Variants in CDC42BPA observed in about 807,000 individuals in gnomAD.
CDC42BPA encodes the protein CDC42 binding protein kinase alpha, also known as serine/threonine-protein kinase MRCK alpha.
In CDC42BPA, 80 loss-of-function variants were observed where a neutral mutation model predicts 223.5. The ratio of observed to expected loss-of-function variants is 0.36; its 90% confidence interval spans 0.30 to 0.43. CDC42BPA has a LOEUF of 0.43. Ranked by LOEUF, CDC42BPA falls within the 20% of genes least tolerant of loss-of-function variation. The probability of loss-of-function intolerance (pLI) is 1.00; values close to 1 mark genes in which losing one functional copy is unlikely to be tolerated. For missense variants in CDC42BPA, 1,743 were observed against 2,099.9 expected, an observed-to-expected ratio of 0.83 and a Z score of 3.32; for synonymous variants, 694 against 718.6, an observed-to-expected ratio of 0.97 and a Z score of 0.55.
At chr1:227,112,599 T>G in intron 13 of CDC42BPA, 72 bp downstream of exon 13, 1 of 1,247,898 alleles carries the variant, frequency 8.0e-7, no homozygotes, top group Non-Finnish European at 1.1e-6. Flanking sequence ...AATTATATAT[T>G]ATATTACTAG....
intron 2 of CDC42BPA, chr1:227,235,125 C>CA (rs1355026357): frequency 6.6e-6 from 1 of 152,142 alleles, no homozygotes; most frequent in East Asian, 1.9e-4. Context: ...TTCCAGCAAT[C>CA]AAAGTCTGAA....
intron 3 of CDC42BPA, among the ~76,000 whole-genome samples, chr1:227,208,822 T>C (rs897814123): frequency 1.3e-4 from 20 of 152,212 alleles, no homozygotes; most frequent in African/African-American, 4.1e-4. Flanking sequence ...TGGCTTAGGA[T>C]TGCCTTGGCG....
At chr1:227,294,431 T>A (rs1056275323) in intron 1 of CDC42BPA, among the ~76,000 whole-genome samples, 5 of 152,134 alleles carry the variant, frequency 3.3e-5, no homozygotes, top group African/African-American at 1.2e-4. Context: ...TAACATTCAT[T>A]GAGGGCCAGG....
At chr1:227,229,406 C>G (rs1178390188) in intron 2 of CDC42BPA, among the ~76,000 whole-genome samples, 1 of 152,164 alleles carries the variant, frequency 6.6e-6, no homozygotes, top group Non-Finnish European at 1.5e-5. Flanking sequence ...ACCTTGATTA[C>G]CATTGCTTTG....
chr1:227,060,032 T>TTTTTG (rs1186966620), intron 21 of CDC42BPA, among the ~76,000 whole-genome samples: 1 of 132,608 alleles, frequency 7.5e-6, no homozygotes, highest in East Asian at 2.1e-4. Flanking sequence ...TTTTTTTTGT[T>TTTTTG]TTTTTTTTTT....
chr1:227,278,246 A>G (rs1465843736), intron 1 of CDC42BPA, among the ~76,000 whole-genome samples: 2 of 152,214 alleles, frequency 1.3e-5, no homozygotes, highest in African/African-American at 4.8e-5. Context: ...CTTTTAAATT[A>G]TAACTCAAAT....
intron 1 of CDC42BPA, among the ~76,000 whole-genome samples, chr1:227,279,564 T>C (rs1391765983): frequency 1.3e-5 from 2 of 152,106 alleles, no homozygotes; most frequent in Non-Finnish European, 2.9e-5. Context: ...ATTTATATTA[T>C]AAATTAAGTG....
chr1:227,023,649 A>T (rs1667771329), intron 31 of CDC42BPA, among the ~76,000 whole-genome samples: 1 of 152,194 alleles, frequency 6.6e-6, no homozygotes, highest in Non-Finnish European at 1.5e-5. Flanking sequence ...CAGTTATACT[A>T]AGCAGATATC....
At chr1:227,143,271 T>C (rs943932974) in intron 8 of CDC42BPA, among the ~76,000 whole-genome samples, 3 of 152,222 alleles carry the variant, frequency 2.0e-5, no homozygotes, top group African/African-American at 7.2e-5. Flanking sequence ...GTCATTATTA[T>C]TCATGTATTC....
intron 21 of CDC42BPA, among the ~76,000 whole-genome samples, chr1:227,056,885 A>G (rs1187999707): frequency 1.3e-5 from 2 of 152,212 alleles, no homozygotes; most frequent in Non-Finnish European, 2.9e-5. Context: ...AAAACAGTAA[A>G]TACATTTTAT....
In CDC42BPA at chr1:227,259,773, G is replaced by C. The variant is rs763653267; in HGVS notation, c.179-5618C>G. Among the ~76,000 whole-genome samples, 102 of 150,948 alleles carry C rather than the reference G, an allele frequency of 6.8e-4. 1 individual carries two copies. Among genetic ancestry groups the C allele is most frequent in the Non-Finnish European group, 1.0e-3 (68 of 68,036 alleles). ...ACACCAACTTAGAAGTAATAGCTTA[G>C]AAGTAATAGTTTTATGTAAATTATG... On this transcript the variant is annotated intron_variant, in intron 1 of 36. Transcript: ENST00000366766.
At chr1:227,248,957 CA>C (rs1357132415) in intron 2 of CDC42BPA, among the ~76,000 whole-genome samples, 1 of 152,032 alleles carries the variant, frequency 6.6e-6, no homozygotes, top group Admixed American at 6.6e-5. Flanking sequence ...TATGGAATTA[CA>C]AAAGACCCAG....
At chr1:227,130,924 T>C (rs1656967142) in intron 10 of CDC42BPA, among the ~76,000 whole-genome samples, 1 of 152,162 alleles carries the variant, frequency 6.6e-6, no homozygotes, top group Non-Finnish European at 1.5e-5. Flanking sequence ...TTTCCTCCTG[T>C]ACCCCACCTA....
At chr1:227,131,352 T>C (rs74143306) in intron 10 of CDC42BPA, among the ~76,000 whole-genome samples, 2,277 of 152,270 alleles carry the variant, frequency 0.015, 55 homozygotes, top group African/African-American at 0.052. Flanking sequence ...ACATTGCAAG[T>C]GTTGGTCAAG....
intron 5 of CDC42BPA, among the ~76,000 whole-genome samples, chr1:227,192,015 CTT>C (rs1669799746): frequency 6.6e-6 from 1 of 150,954 alleles, no homozygotes; most frequent in Admixed American, 6.6e-5. Flanking sequence ...ATTTCCATAT[CTT>C]TATTTTCAAT....
rs182290446 is a variant in CDC42BPA at position 227,041,880 on chromosome 1, C to A, written c.3094-1644G>T. 2.8e-4 allele frequency among the ~76,000 whole-genome samples: 42 copies of A among 152,274 alleles called. No homozygotes were observed. In the East Asian group the frequency reaches 7.7e-3, roughly 28 times the overall value. ...TCCCAGTCAGGGTACAGACACTGTACCAGTACTTTACATAATTCATCTTAT... is the reference window on the plus strand; with the variant it reads ...TCCCAGTCAGGGTACAGACACTGTAACAGTACTTTACATAATTCATCTTAT... On this transcript the variant is annotated intron_variant, in intron 23 of 36. Transcript: ENST00000366766.
intron 34 of CDC42BPA, among the ~76,000 whole-genome samples, chr1:227,013,903 A>G (rs1665705233): frequency 6.6e-6 from 1 of 152,144 alleles, no homozygotes; most frequent in Non-Finnish European, 1.5e-5. Context: ...TCAATTTAAA[A>G]AGTTTAATTA....
chr1:227,055,777 ATT>A (rs976739146), intron 21 of CDC42BPA, among the ~76,000 whole-genome samples: 1 of 151,376 alleles, frequency 6.6e-6, no homozygotes, highest in African/African-American at 2.4e-5. Flanking sequence ...AGTAAATGCA[ATT>A]TTTTTTTGTT....
intron 8 of CDC42BPA, among the ~76,000 whole-genome samples, chr1:227,145,156 G>A (rs928288616): frequency 3.3e-5 from 5 of 152,084 alleles, no homozygotes; most frequent in South Asian, 2.1e-4. Flanking sequence ...TGGTTTTAGG[G>A]AGAAATTTGC....
Sources: allele counts gnomAD v4.1 joint callset (sites outside exome capture counted in the v4.1 genomes callset), GRCh38; gene constraint gnomAD v4.1.1; transcripts MANE v1.5; gene names NCBI Gene and HGNC (gene_info 2026-07-23, HGNC 2026-07-21).